The following SAMD12 variants were observed in gnomAD, a reference collection of about 807,000 sequenced individuals.
The protein encoded by SAMD12 is sterile alpha motif domain containing 12.
Under a neutral mutation model 15.0 loss-of-function variants are expected in SAMD12, and 9 were observed. The ratio of observed to expected loss-of-function variants is 0.60; its 90% confidence interval spans 0.36 to 1.05. The LOEUF is 1.05. SAMD12 is among the 50% of genes least tolerant of loss of function. SAMD12 has a pLI of 0.01. For missense variants in SAMD12, 230 were observed against 234.2 expected, an observed-to-expected ratio of 0.98 and a Z score of 0.12; for synonymous variants, 86 against 90.1, an observed-to-expected ratio of 0.96 and a Z score of 0.25.
At chr8:118,403,550 T>C (rs1349574097) in intron 3 of SAMD12, among the ~76,000 whole-genome samples, 1 of 152,172 alleles carries the variant, frequency 6.6e-6, no homozygotes, top group African/African-American at 2.4e-5. Context: ...AAGGTAGTCA[T>C]GAAAATGAGG....
intron 4 of SAMD12, among the ~76,000 whole-genome samples, chr8:118,340,454 A>G: frequency 6.6e-6 from 1 of 152,212 alleles, no homozygotes; most frequent in East Asian, 1.9e-4. Flanking sequence ...ATATGTATAT[A>G]TGTATATTAT....
chr8:118,182,539 G>A, the SAMD12 span, among the ~76,000 whole-genome samples: 1 of 151,906 alleles, frequency 6.6e-6, no homozygotes, highest in Non-Finnish European at 1.5e-5. Flanking sequence ...CTTATTTATA[G>A]CTTTATATTT....
chr8:118,552,972 A>C (rs926406839), intron 2 of SAMD12, among the ~76,000 whole-genome samples: 58 of 152,132 alleles, frequency 3.8e-4, no homozygotes, highest in African/African-American at 1.3e-3. Flanking sequence ...TCCAACTTAC[A>C]AGGGACATGA....
the SAMD12 span, among the ~76,000 whole-genome samples, chr8:118,143,955 G>A: frequency 1.3e-5 from 2 of 152,050 alleles, no homozygotes; most frequent in Non-Finnish European, 2.9e-5. Flanking sequence ...TTGCAGTTCT[G>A]AAGACCAGAA....
intron 4 of SAMD12, among the ~76,000 whole-genome samples, chr8:118,361,588 G>A (rs1818500783): frequency 6.6e-6 from 1 of 152,078 alleles, no homozygotes; most frequent in Non-Finnish European, 1.5e-5. Flanking sequence ...CACACAGGTG[G>A]CTAAAATGTT....
chr8:118,613,431 T>C (rs1474751735), intron 1 of SAMD12, among the ~76,000 whole-genome samples: 1 of 152,210 alleles, frequency 6.6e-6, no homozygotes, highest in Non-Finnish European at 1.5e-5. Flanking sequence ...AAAATCCATT[T>C]TTTATTTGTT....
At chr8:118,155,458 C>G in the SAMD12 span, among the ~76,000 whole-genome samples, 4 of 152,172 alleles carry the variant, frequency 2.6e-5, no homozygotes, top group East Asian at 7.7e-4. Context: ...GGCAGGAGAT[C>G]ATATTGTATC....
chr8:118,133,020 ATATAT>A, the SAMD12 span, among the ~76,000 whole-genome samples: 1 of 97,296 alleles, frequency 1.0e-5, no homozygotes, highest in African/African-American at 4.0e-5. Context: ...ATATATATAT[ATATAT>A]ATCTTATTAC....
chr8:118,548,676 C>A (rs777813802), intron 2 of SAMD12, among the ~76,000 whole-genome samples: 69 of 152,320 alleles, frequency 4.5e-4, no homozygotes, highest in Non-Finnish European at 6.0e-4. Context: ...AGAGTGGGCG[C>A]AGGTCAGTGG....
intron 3 of SAMD12, among the ~76,000 whole-genome samples, chr8:118,410,333 T>G (rs553814521): frequency 1.8e-4 from 27 of 152,302 alleles, no homozygotes; most frequent in African/African-American, 6.0e-4. Context: ...CCAGATATTT[T>G]TCCAAGGCTA....
chr8:118,579,899 C>G (rs745363637), intron 2 of SAMD12, among the ~76,000 whole-genome samples: 43 of 152,116 alleles, frequency 2.8e-4, no homozygotes, highest in Non-Finnish European at 5.1e-4. Context: ...TGATTTCAGA[C>G]AAATATCCAG....
At chr8:118,555,129 T>G (rs910173115) in intron 2 of SAMD12, among the ~76,000 whole-genome samples, 1 of 152,198 alleles carries the variant, frequency 6.6e-6, no homozygotes, top group Admixed American at 6.5e-5. Flanking sequence ...TGTTATTGGT[T>G]AGCAGAGCAA....
At chr8:118,245,383 A>G (rs1812664449) in intron 4 of SAMD12, among the ~76,000 whole-genome samples, 1 of 152,090 alleles carries the variant, frequency 6.6e-6, no homozygotes, top group African/African-American at 2.4e-5. Flanking sequence ...TACCGGTAAT[A>G]TAGTCTGGAT....
At chr8:118,139,057 C>G in the SAMD12 span, among the ~76,000 whole-genome samples, 1 of 152,062 alleles carries the variant, frequency 6.6e-6, no homozygotes, top group Non-Finnish European at 1.5e-5. Flanking sequence ...CCATGTGATA[C>G]AAGACCAAGT....
intron 4 of SAMD12, among the ~76,000 whole-genome samples, chr8:118,364,682 G>T (rs1166978972): frequency 6.6e-6 from 1 of 152,112 alleles, no homozygotes; most frequent in African/African-American, 2.4e-5. Flanking sequence ...TTCAAGATAA[G>T]GTCTGGGAAT....
At chr8:118,582,663 A>G (rs1827325761) in intron 1 of SAMD12, among the ~76,000 whole-genome samples, 1 of 152,220 alleles carries the variant, frequency 6.6e-6, no homozygotes, top group Non-Finnish European at 1.5e-5. Context: ...TTCATTTCAC[A>G]GATAAGGAAA....
At position 118,437,640 on chromosome 8, in the gene SAMD12, G is replaced by T. The variant is rs539699680; in HGVS notation, c.322+2192C>A. On this transcript the variant is annotated intron_variant, in intron 3 of 3. Transcript: ENST00000314727. ...ACTTGCCCAGGTTAATAAGCAGCTT[G>T]CCCAAGATCCCAAGAAAGTAGTGAT... is the stretch of plus-strand genomic sequence containing the variant. Among the ~76,000 whole-genome samples the T allele has an allele frequency of 4.6e-4, 70 of 152,226 alleles. 1 individual carries two copies. Among genetic ancestry groups the T allele is most frequent in the African/African-American group, 1.6e-3 (68 of 41,552 alleles).
At position 118,339,590 on chromosome 8, in the gene SAMD12, C is replaced by T. The variant is rs762581582; in HGVS notation, c.433+39970G>A. 7.2e-5 allele frequency among the ~76,000 whole-genome samples: 11 copies of T among 152,166 alleles called. No homozygotes were observed. The East Asian group carries it at 1.7e-3, about 24-fold the overall frequency. ...AGGAGTGGTGCTGATCACGTGGCCT[C>T]GCTGCGTTTCTGTGGTCTGTGCAAG... On this transcript the variant is annotated intron_variant, in intron 4 of 4. Transcript: ENST00000409003.
At chr8:118,151,095 C>T in the SAMD12 span, among the ~76,000 whole-genome samples, 5 of 151,914 alleles carry the variant, frequency 3.3e-5, no homozygotes, top group Admixed American at 6.6e-5. Flanking sequence ...TATCTTAAAA[C>T]GTTTCTCCAC....
Sources: gnomAD v4.1 joint callset for allele counts (sites outside exome capture counted in the v4.1 genomes callset) on GRCh38, gnomAD v4.1.1 for gene constraint, MANE v1.5 for transcripts, NCBI Gene and HGNC (gene_info 2026-07-23, HGNC 2026-07-21) for gene names.